Variants in LHX4 observed in about 807,000 individuals in gnomAD.
LHX4 encodes LIM/homeobox protein Lhx4.
LHX4 carries 16 observed loss-of-function variants against 39.2 expected under a neutral mutation model. The observed-to-expected ratio is 0.41, with a 90% CI of 0.28 to 0.62. The LOEUF is 0.62. Among genes scored for constraint, LHX4 ranks in the 20% least tolerant of loss-of-function variants. The probability of loss-of-function intolerance (pLI) is 0.33; values close to 1 mark genes in which losing one functional copy is unlikely to be tolerated. For synonymous variants in LHX4, 206 were observed against 198.1 expected (o/e 1.04, Z -0.33); for missense variants, 439 against 511.9 (o/e 0.86, Z 1.37).
Position 180,271,372 on chromosome 1 carries a change from C to T in LHX4, c.452-8C>T. On this transcript the variant is annotated splice_polypyrimidine_tract_variant and splice_region_variant and intron_variant, in intron 3 of 5. Transcript: ENST00000263726. ...CCGAAGCCAGTAAGCAGTGGTTTTT[C>T]CTTGCAGATGACTCAGAGGCTGGAG... The T allele has an allele frequency of 1.2e-6, 2 of 1,614,030 alleles. No individual in the cohort carries two copies. Among genetic ancestry groups the T allele is most frequent in the South Asian group, 1.1e-5 (1 of 91,088 alleles).
rs75471724 is a variant in LHX4 at position 180,274,607 on chromosome 1, C to A, written c.*28C>A. On this transcript the variant is annotated 3_prime_UTR_variant, in exon 6 of 6. Coordinates refer to ENST00000263726, the MANE Select transcript of LHX4 (RefSeq NM_033343.4). ...TTCTCTCCTCCCCACCCTACCTGCC[C>A]CCCTGGCTTGAGAGAATATCTTCAA... 1.5e-4 allele frequency: 226 copies of A among 1,529,148 alleles called. No homozygotes were observed. Among genetic ancestry groups the A allele is most frequent in the Non-Finnish European group, 1.9e-4 (216 of 1,142,158 alleles). 94.7% of individuals were successfully genotyped at this position (1,529,148 alleles called of 1,614,324 possible).
rs1478384432 is a variant in LHX4, at chr1:180,232,017, C to G, written c.76+1412C>G. ...CAATCAGTTCCACGTCTGTGTTGAG[C>G]CTTGGGGAGTTTACCGCTAAGATGT... is the stretch of plus-strand genomic sequence containing the variant. On this transcript the variant is annotated intron_variant, in intron 1 of 5. Transcript: ENST00000263726. The surrounding 1 kb of genome is among the most constrained non-coding windows in gnomAD (Gnocchi z 5.4). Among the ~76,000 whole-genome samples the G allele has an allele frequency of 6.6e-6, 1 of 152,176 alleles. No individual in the cohort carries two copies. Among genetic ancestry groups the G allele is most frequent in the Non-Finnish European group, 1.5e-5 (1 of 68,036 alleles).
intron 4 of LHX4, 67 bp from the exon 5 acceptor site, chr1:180,271,768 G>T (rs1648676285): frequency 1.9e-6 from 3 of 1,577,680 alleles, no homozygotes; most frequent in Non-Finnish European, 2.6e-6. Flanking sequence ...GCCCGCCTAG[G>T]GGGTCCTGGG....
chr1:180,256,966 T>C (rs955480690), intron 2 of LHX4, among the ~76,000 whole-genome samples: 2 of 152,234 alleles, frequency 1.3e-5, no homozygotes, highest in African/African-American at 2.4e-5. Flanking sequence ...GTGTGTGGTT[T>C]GAATGAGATG....
At chr1:180,242,185 A>G (rs567576963) in intron 1 of LHX4, among the ~76,000 whole-genome samples, 35 of 152,170 alleles carry the variant, frequency 2.3e-4, no homozygotes, top group Admixed American at 1.5e-3. Context: ...CCACAGACAG[A>G]GCTTGATTTC....
chr1:180,249,882 T>C lies in LHX4; in HGVS notation c.248+1426T>C, dbSNP rs578128812. ...GCTGCTCCCTACGTGTGTGTGCGTG[T>C]GTGAGTGTGTGTATGAGTGTGTGTG... On this transcript the variant is annotated intron_variant, in intron 2 of 5. Transcript: ENST00000263726. 1.3e-4 allele frequency among the ~76,000 whole-genome samples: 20 copies of C among 149,872 alleles called. No homozygotes were observed. In the South Asian group the frequency reaches 3.0e-3, roughly 22 times the overall value.
intron 2 of LHX4, among the ~76,000 whole-genome samples, chr1:180,251,770 C>T (rs1428962285): frequency 1.3e-5 from 2 of 152,230 alleles, no homozygotes; most frequent in African/African-American, 4.8e-5. Flanking sequence ...CACTGCTCTG[C>T]TTCATGAAAT....
At chr1:180,257,354 A>G (rs915698764) in intron 2 of LHX4, among the ~76,000 whole-genome samples, 9 of 152,252 alleles carry the variant, frequency 5.9e-5, no homozygotes, top group Non-Finnish European at 1.0e-4. Flanking sequence ...AAATCCTGAT[A>G]AAAAGCAGAT....
In LHX4 at chr1:180,274,253, G is replaced by A. The variant is rs761944467; in HGVS notation, c.847G>A (p.Gly283Arg). ...TGGCAACGTGGGGGACGTTACAGGC[G>A]GACAGTTAATGAATGGGAGCTTCTC... ...IYGNVGDVTG[G>R]QLMNGSFSMD... The change falls in exon 6 of 6, where the codon GGA (glycine) becomes AGA (arginine). Residue 283 changes from glycine (G) to arginine (R), a missense_variant. Transcript: ENST00000263726. The A allele has an allele frequency of 3.0e-5, 48 of 1,614,072 alleles. No individual in the cohort carries two copies. The highest frequency in any genetic ancestry group is 1.0e-4 in the Admixed American group (6 of 60,010).
rs938877867 is a variant in LHX4 at position 180,278,233 on chromosome 1, G to A, written c.*3654G>A. ...CACTGCACTTTAAAAATTGGAAACCGTGAGATGAAGAAAAATTCAATTAAG... is the reference window on the plus strand; with the variant it reads ...CACTGCACTTTAAAAATTGGAAACCATGAGATGAAGAAAAATTCAATTAAG... On this transcript the variant is annotated 3_prime_UTR_variant, in exon 6 of 6. Coordinates refer to ENST00000263726, the MANE Select transcript of LHX4 (RefSeq NM_033343.4). 1 of 152,218 alleles carries A rather than the reference G, an allele frequency of 6.6e-6. No individual in the cohort carries two copies. Among genetic ancestry groups the A allele is most frequent in the Admixed American group, 6.5e-5 (1 of 15,286 alleles). The allele number at this position is 152,218 out of a possible 1,614,324, so 9.4% of individuals were successfully genotyped here.
At chr1:180,233,354 G>A (rs1176526240) in intron 1 of LHX4, among the ~76,000 whole-genome samples, 2 of 152,172 alleles carry the variant, frequency 1.3e-5, no homozygotes, top group Non-Finnish European at 2.9e-5. Context: ...GCGGCCCCCG[G>A]TGCGGGCCTC....
intron 2 of LHX4, among the ~76,000 whole-genome samples, chr1:180,258,894 C>G (rs61809139): frequency 6.6e-6 from 1 of 151,816 alleles, no homozygotes; most frequent in Non-Finnish European, 1.5e-5. Context: ...CAGATGGGGA[C>G]GGATGCCCAA....
chr1:180,256,375 C>A (rs924583517), intron 2 of LHX4, among the ~76,000 whole-genome samples: 2 of 152,168 alleles, frequency 1.3e-5, no homozygotes, highest in Non-Finnish European at 1.5e-5. Flanking sequence ...TCACTCTGGT[C>A]CCCGGAGGCC....
At chr1:180,242,455 CTATG>C (rs2149254582) in intron 1 of LHX4, among the ~76,000 whole-genome samples, 1 of 151,800 alleles carries the variant, frequency 6.6e-6, no homozygotes. Flanking sequence ...ATATGCATGT[CTATG>C]TATATAAGTA....
At chr1:180,263,404 G>T (rs967843855) in intron 2 of LHX4, among the ~76,000 whole-genome samples, 1 of 152,172 alleles carries the variant, frequency 6.6e-6, no homozygotes, top group Non-Finnish European at 1.5e-5. Flanking sequence ...AGGATGCCCT[G>T]TATTCTAGAT....
chr1:180,263,050 T>C (rs1049765985), intron 2 of LHX4, among the ~76,000 whole-genome samples: 2 of 152,222 alleles, frequency 1.3e-5, no homozygotes, highest in Non-Finnish European at 2.9e-5. Context: ...GCCAGTGCCC[T>C]TGGTGCCCCT....
At position 180,246,957 on chromosome 1, in the gene LHX4, A is replaced by G. The variant is rs567641722; in HGVS notation, c.77-1328A>G. Among the ~76,000 whole-genome samples, 112 of 152,344 alleles carry G rather than the reference A, an allele frequency of 7.4e-4. 1 individual carries two copies. In the South Asian group the frequency reaches 0.022, roughly 30 times the overall value. On this transcript the variant is annotated intron_variant, in intron 1 of 5. Coordinates refer to ENST00000263726, the MANE Select transcript of LHX4 (RefSeq NM_033343.4). ...AACGAGCAAAGGTGTCTTTTATAAT[A>G]GGGGTGGTAAACCCTGGGGTTGCCA...
rs753474147 is a variant in LHX4, at chr1:180,266,023, G to C, written c.249-369G>C. 6.6e-5 allele frequency among the ~76,000 whole-genome samples: 10 copies of C among 152,200 alleles called. No individual in the cohort carries two copies. The highest frequency in any genetic ancestry group is 1.5e-4 in the Non-Finnish European group (10 of 68,032). ...ATGTCCTCTGGGATCAACCATAAGG[G>C]TGAGGAAGCTGGGAGGTGGAGGGGG... On this transcript the variant is annotated intron_variant, in intron 2 of 5. Coordinates refer to ENST00000263726, the MANE Select transcript of LHX4 (RefSeq NM_033343.4). The surrounding 1 kb of genome is among the most constrained non-coding windows in gnomAD (Gnocchi z 5.7).
chr1:180,276,834 A>AGGG lies in LHX4; in HGVS notation c.*2263_*2265dup, dbSNP rs200797803. On this transcript the variant is annotated 3_prime_UTR_variant, in exon 6 of 6. Coordinates refer to ENST00000263726, the MANE Select transcript of LHX4 (RefSeq NM_033343.4). ...TGTGGGGGAGAGCAGGCTTTTTAAAAGGGGGGGGGGCATCCTCCTCTGTGT... is the reference window on the plus strand; with the variant it reads ...TGTGGGGGAGAGCAGGCTTTTTAAAAGGGGGGGGGGGGGCATCCTCCTCTGTGT... The AGGG allele has an allele frequency of 3.8e-5, 1 of 26,378 alleles. No homozygotes were observed. Among genetic ancestry groups the AGGG allele is most frequent in the African/African-American group, 1.3e-4 (1 of 7,514 alleles). The allele number at this position is 26,378 out of a possible 1,614,324, so 1.6% of individuals were successfully genotyped here.
Sources: allele counts gnomAD v4.1 joint callset (sites outside exome capture counted in the v4.1 genomes callset), GRCh38; gene constraint gnomAD v4.1.1; non-coding constraint Gnocchi (gnomAD v3.1); transcripts MANE v1.5; gene names NCBI Gene and HGNC (gene_info 2026-07-23, HGNC 2026-07-21).